The following OGA variants were observed in gnomAD, a reference collection of about 807,000 sequenced individuals.
The protein encoded by OGA is protein O-GlcNAcase.
Under a neutral mutation model 102.0 loss-of-function variants are expected in OGA, and 21 were observed. The ratio of observed to expected loss-of-function variants is 0.21; its 90% confidence interval spans 0.15 to 0.30. The LOEUF is 0.30. Among genes scored for constraint, OGA ranks in the 10% least tolerant of loss-of-function variants. The probability of loss-of-function intolerance (pLI) is 1.00; values close to 1 mark genes in which losing one functional copy is unlikely to be tolerated. For synonymous variants in OGA, 408 were observed against 378.2 expected (o/e 1.08, Z -0.91); for missense variants, 765 against 1,107.8 (o/e 0.69, Z 4.39).
chr10:101,789,413 G>A (rs548094319), intron 14 of OGA, among the ~76,000 whole-genome samples: 4 of 152,154 alleles, frequency 2.6e-5, no homozygotes, highest in South Asian at 2.1e-4. Context: ...CAGGAGAACT[G>A]CTTGAGCCTG....
intron 7 of OGA, among the ~76,000 whole-genome samples, chr10:101,800,625 T>C (rs1412764609): frequency 1.3e-5 from 2 of 152,138 alleles, no homozygotes; most frequent in African/African-American, 2.4e-5. Flanking sequence ...AAAATCTCAA[T>C]TGAAATAAGA....
intron 3 of OGA, among the ~76,000 whole-genome samples, chr10:101,811,854 A>G (rs1184908663): frequency 6.6e-6 from 1 of 152,198 alleles, no homozygotes; most frequent in East Asian, 1.9e-4. Flanking sequence ...TATATACTAT[A>G]AGACATATTT....
chr10:101,805,770 A>G (rs1436120018), intron 6 of OGA, among the ~76,000 whole-genome samples: 3 of 151,264 alleles, frequency 2.0e-5, no homozygotes, highest in Non-Finnish European at 4.4e-5. Context: ...CCTGGCTAAC[A>G]TGGTGAAACC....
rs146233160 is a variant in OGA, at chr10:101,798,134, T to C, written c.1830A>G (p.Arg610=). ...CACACATCTCTTCAAACTTGGCTGC[T>C]CGTGACCGCCATTCTTCAATCTATT... ...DSEKIEEWRS[R]AAKFEEMCGL... Residue 610 remains arginine, a synonymous_variant, in exon 10 of 16, where the codon CGA becomes CGG. Transcript: ENST00000361464. 1.4e-3 allele frequency: 2,324 copies of C among 1,614,070 alleles called. 3 individuals are homozygous for C. Among genetic ancestry groups the C allele is most frequent in the Non-Finnish European group, 1.9e-3 (2,191 of 1,180,002 alleles).
At chr10:101,805,911 T>G in intron 6 of OGA, 134 bp downstream of exon 6, 3 of 580,546 alleles carry the variant, frequency 5.2e-6, no homozygotes, top group South Asian at 4.9e-5. Flanking sequence ...GCCGAGATCA[T>G]GCCACTGGAC....
chr10:101,811,522 G>T (rs2065558493), intron 3 of OGA, among the ~76,000 whole-genome samples: 1 of 150,216 alleles, frequency 6.7e-6, no homozygotes, highest in Non-Finnish European at 1.5e-5. Context: ...AGGCAACATG[G>T]CAAACCCCTC....
At chr10:101,796,886 G>A (rs540641176) in intron 10 of OGA, among the ~76,000 whole-genome samples, 4 of 152,000 alleles carry the variant, frequency 2.6e-5, no homozygotes, top group African/African-American at 4.8e-5. Context: ...AACCGCGCCC[G>A]AAGCTATACA....
At position 101,818,392 on chromosome 10, in the gene OGA, C is replaced by T. The variant is rs2065671628; in HGVS notation, c.-370G>A. The T allele has an allele frequency of 1.1e-5, 11 of 1,031,812 alleles. No individual in the cohort carries two copies. In the South Asian group the frequency reaches 3.5e-4, roughly 33 times the overall value. 63.9% of individuals were successfully genotyped at this position (1,031,812 alleles called of 1,614,324 possible). A position where few individuals can be genotyped will look rare whatever the true frequency, so the allele number is the denominator to read the frequency against. Reference sequence around the variant, plus strand: ...GGTCTTCCGCTGTTTCCCCTCCAAGCCCCGAGCTCTCCCTCTGCTGCTGCC... The same window carrying T: ...GGTCTTCCGCTGTTTCCCCTCCAAGTCCCGAGCTCTCCCTCTGCTGCTGCC... On this transcript the variant is annotated 5_prime_UTR_variant, in exon 1 of 16. Coordinates refer to ENST00000361464, the MANE Select transcript of OGA (RefSeq NM_012215.5).
intron 14 of OGA, 198 bp from the exon 15 acceptor site, chr10:101,787,721 G>A (rs915359584): frequency 9.3e-6 from 5 of 539,486 alleles, no homozygotes; most frequent in African/African-American, 1.9e-5. Context: ...CTGTTGGCCA[G>A]GCTGGAGAGG....
chr10:101,815,961 G>GA (rs1185344174), intron 1 of OGA, among the ~76,000 whole-genome samples: 3,153 of 23,762 alleles, frequency 0.13, 1,146 homozygotes, highest in East Asian at 0.3. Context: ...ATCAAAAAGA[G>GA]AGAAAAAAAA....
intron 4 of OGA, 96 bp downstream of exon 4, chr10:101,810,088 G>C (rs1277293545): frequency 4.2e-6 from 5 of 1,181,968 alleles, no homozygotes; most frequent in African/African-American, 1.6e-5. Flanking sequence ...CAAAGAAATA[G>C]GAATTTGATT....
At chr10:101,813,641 T>G in intron 1 of OGA, 35 bp from the exon 2 acceptor site, 2 of 1,343,860 alleles carry the variant, frequency 1.5e-6, no homozygotes, top group Non-Finnish European at 2.1e-6. Context: ...TATATTCAGT[T>G]TTAAAATGTG....
intron 10 of OGA, among the ~76,000 whole-genome samples, chr10:101,794,342 T>A (rs2065291926): frequency 6.6e-6 from 1 of 152,184 alleles, no homozygotes; most frequent in Non-Finnish European, 1.5e-5. Flanking sequence ...TAGTAACTAT[T>A]AACTAAAATG....
chr10:101,813,550 T>C lies in OGA; in HGVS notation c.251+5A>G, dbSNP rs1436308886. On this transcript the variant is annotated splice_donor_5th_base_variant and intron_variant, in intron 2 of 15. Coordinates refer to ENST00000361464, the MANE Select transcript of OGA (RefSeq NM_012215.5). Reference sequence around the variant, plus strand: ...TCCTCTCTCCTTCATATAATGAAGATTTACCTTCTAAAGAGTTCTTTTCTC... The same window carrying C: ...TCCTCTCTCCTTCATATAATGAAGACTTACCTTCTAAAGAGTTCTTTTCTC... The C allele has an allele frequency of 2.0e-6, 3 of 1,528,124 alleles. No individual in the cohort carries two copies. The highest frequency in any genetic ancestry group is 2.7e-6 in the Non-Finnish European group (3 of 1,114,708). 94.7% of individuals were successfully genotyped at this position (1,528,124 alleles called of 1,614,324 possible).
At chr10:101,791,302 A>G (rs1367349960) in intron 13 of OGA, 52 bp downstream of exon 13, 11 of 1,466,256 alleles carry the variant, frequency 7.5e-6, no homozygotes, top group African/African-American at 1.4e-5. Flanking sequence ...CCTCAACCTG[A>G]TAAGCCTCAC....
intron 1 of OGA, among the ~76,000 whole-genome samples, chr10:101,813,887 C>T (rs980325905): frequency 6.6e-6 from 1 of 152,182 alleles, no homozygotes; most frequent in Non-Finnish European, 1.5e-5. Context: ...AAACATCTAT[C>T]ATCTTTCCAC....
chr10:101,789,067 G>A (rs1283395272), intron 14 of OGA, among the ~76,000 whole-genome samples: 1 of 152,172 alleles, frequency 6.6e-6, no homozygotes, highest in Non-Finnish European at 1.5e-5. Flanking sequence ...AGTGTCAGAT[G>A]TGGAACAGCA....
At chr10:101,796,403 A>G (rs1589827551) in intron 10 of OGA, among the ~76,000 whole-genome samples, 2 of 152,152 alleles carry the variant, frequency 1.3e-5, no homozygotes, top group African/African-American at 4.8e-5. Context: ...CTGGGACTAC[A>G]AGCACATGCC....
At chr10:101,801,695 T>C (rs187619308) in intron 7 of OGA, among the ~76,000 whole-genome samples, 12 of 152,242 alleles carry the variant, frequency 7.9e-5, no homozygotes, top group East Asian at 1.9e-4. Flanking sequence ...GGGAGGAGGA[T>C]GACAATGACT....
Sources: allele counts gnomAD v4.1 joint callset (sites outside exome capture counted in the v4.1 genomes callset), GRCh38; gene constraint gnomAD v4.1.1; transcripts MANE v1.5; gene names NCBI Gene and HGNC (gene_info 2026-07-23, HGNC 2026-07-21).